TSC22D1: variants seen among roughly 807,000 people sequenced by gnomAD.
TSC22D1 encodes the protein TSC22 domain family member 1.
In TSC22D1, 9 loss-of-function variants were observed where a neutral mutation model predicts 74.2. That is an observed-to-expected ratio of 0.12 (90% CI 0.07 to 0.21). The LOEUF is 0.21. TSC22D1 is among the 10% of genes least tolerant of loss of function. The pLI is 1.00. For missense variants in TSC22D1, 1,427 were observed against 1,304.7 expected (o/e 1.09, Z -1.44); for synonymous variants, 586 against 492.5 (o/e 1.19, Z -2.51).
intron 1 of TSC22D1, among the ~76,000 whole-genome samples, chr13:44,450,432 G>T (rs1468800980): frequency 6.6e-6 from 1 of 152,204 alleles, no homozygotes; most frequent in Admixed American, 6.5e-5. Flanking sequence ...ATGATGCAAT[G>T]GGATTTGTGT....
rs1187070863 is a variant in TSC22D1, at chr13:44,574,203, G to T, written c.1872C>A (p.Pro624=). The T allele has an allele frequency of 6.2e-7, 1 of 1,614,140 alleles. No homozygotes were observed. Among genetic ancestry groups the T allele is most frequent in the Non-Finnish European group, 8.5e-7 (1 of 1,180,058 alleles). Reference sequence around the variant, plus strand: ...GCTGTTGTCCATACTGTAACTGTTGGGGTGGTGGTGCCCCTGGAAGGGGAG... The same window carrying T: ...GCTGTTGTCCATACTGTAACTGTTGTGGTGGTGGTGCCCCTGGAAGGGGAG... ...VQTPLPGAPP[P]QQLQYGQQQP... is the part of the protein sequence containing the mutation. Residue 624 remains proline (P), a synonymous_variant, in exon 1 of 3, where the codon CCC becomes CCA. Coordinates refer to ENST00000458659, the MANE Select transcript of TSC22D1 (RefSeq NM_183422.4).
chr13:44,479,348 C>G (rs943713692), intron 1 of TSC22D1, among the ~76,000 whole-genome samples: 2 of 145,912 alleles, frequency 1.4e-5, no homozygotes, highest in African/African-American at 2.5e-5. Flanking sequence ...TTTTAGCTCA[C>G]CAGCTATCAT....
chr13:44,537,520 C>T, intron 1 of TSC22D1: 5 of 985,110 alleles, frequency 5.1e-6, no homozygotes, highest in Non-Finnish European at 6.0e-6. Context: ...TACTGTGGTT[C>T]AAAGAGTTCA....
rs1021282857 is a variant in TSC22D1, at chr13:44,490,376, A to C, written c.2913-54281T>G. ...ATGCTAAGTTTTTTTTTTTTTTTTC[A>C]TGTAGATGGAGGTTACATACCCATT... On this transcript the variant is annotated intron_variant, in intron 1 of 2. Coordinates refer to ENST00000458659, the MANE Select transcript of TSC22D1 (RefSeq NM_183422.4). Among the ~76,000 whole-genome samples, 109 of 145,466 alleles carry C rather than the reference A, an allele frequency of 7.5e-4. 2 individuals carry two copies. Among genetic ancestry groups the C allele is most frequent in the Admixed American group, 3.9e-3 (57 of 14,638 alleles).
At chr13:44,529,791 T>C (rs1343117377) in intron 1 of TSC22D1, among the ~76,000 whole-genome samples, 5 of 151,978 alleles carry the variant, frequency 3.3e-5, no homozygotes, top group Non-Finnish European at 4.4e-5. Flanking sequence ...CAATGAACAA[T>C]TGGAATTGGA....
chr13:44,530,763 A>G (rs142825430), intron 1 of TSC22D1, among the ~76,000 whole-genome samples: 4 of 152,290 alleles, frequency 2.6e-5, no homozygotes, highest in Non-Finnish European at 4.4e-5. Flanking sequence ...TCAACATCAT[A>G]TATCATTAGG....
At chr13:44,455,956 G>A (rs764889295) in intron 1 of TSC22D1, among the ~76,000 whole-genome samples, 17 of 152,122 alleles carry the variant, frequency 1.1e-4, no homozygotes, top group African/African-American at 3.9e-4. Context: ...AAAGTCCAAA[G>A]ACCATTGATA....
At position 44,500,308 on chromosome 13, in the gene TSC22D1, T is replaced by C. The variant is rs369638858; in HGVS notation, c.2913-64213A>G. ...TTAATCCCTTCTGGAAGAAATCCTT[T>C]AAAAAAACCTCATATACACACTTGG... On this transcript the variant is annotated intron_variant, in intron 1 of 2. Transcript: ENST00000458659. 2.1e-4 allele frequency among the ~76,000 whole-genome samples: 32 copies of C among 152,210 alleles called. No homozygotes were observed. The East Asian group carries it at 3.9e-3, about 18-fold the overall frequency.
chr13:44,523,286 C>T (rs1880400568), intron 1 of TSC22D1, among the ~76,000 whole-genome samples: 1 of 152,184 alleles, frequency 6.6e-6, no homozygotes, highest in Admixed American at 6.5e-5. Context: ...TCAGCAATTG[C>T]ACACACAGGT....
chr13:44,507,819 C>T (rs1021649578), intron 1 of TSC22D1, among the ~76,000 whole-genome samples: 1 of 152,192 alleles, frequency 6.6e-6, no homozygotes, highest in South Asian at 2.1e-4. Context: ...TTGGCTCTGT[C>T]CTCAGAGTGC....
upstream of TSC22D1, chr13:44,576,667 C>G (rs1415932571): frequency 6.6e-6 from 1 of 152,306 alleles, no homozygotes; most frequent in African/African-American, 2.4e-5. Context: ...CCTTTCAAAC[C>G]CCCTGGGCTC....
chr13:44,479,275 C>T lies in TSC22D1; in HGVS notation c.2913-43180G>A, dbSNP rs149262969. On this transcript the variant is annotated intron_variant, in intron 1 of 2. Transcript: ENST00000458659. The stretch of plus-strand genomic sequence containing the variant: ...GCATGGCCCAGGACAGCTTTGAATG[C>T]GGCCTAACTCGTGAACTTTCTTAAA... 9.4e-3 allele frequency among the ~76,000 whole-genome samples: 1,425 copies of T among 151,838 alleles called. 20 individuals are homozygous for T. The highest frequency in any genetic ancestry group is 0.025 in the South Asian group (122 of 4,808).
chr13:44,433,978 TATACA>T lies in TSC22D1; in HGVS notation c.*643_*647del. On this transcript the variant is annotated 3_prime_UTR_variant, in exon 3 of 3. Transcript: ENST00000458659. ...AAAATAGTTACACTACATACACAAA[TATACA>T]ATAAGCAAAACAACCTTCATGGTAA... 1.3e-6 allele frequency: 2 copies of T among 1,534,298 alleles called. No homozygotes were observed. The highest frequency in any genetic ancestry group is 1.2e-5 in the South Asian group (1 of 83,566).
chr13:44,458,396 G>A (rs1876793773), intron 1 of TSC22D1, among the ~76,000 whole-genome samples: 1 of 152,206 alleles, frequency 6.6e-6, no homozygotes, highest in Non-Finnish European at 1.5e-5. Flanking sequence ...TAGTAAAATG[G>A]AAGTGATAAT....
At chr13:44,436,789 C>A (rs949168949) in intron 1 of TSC22D1, 40 of 1,439,842 alleles carry the variant, frequency 2.8e-5, no homozygotes, top group Non-Finnish European at 3.3e-5. Context: ...TGATCCCAGG[C>A]AGATGCGGAT....
intron 1 of TSC22D1, among the ~76,000 whole-genome samples, chr13:44,445,821 TATACCACTAC>T (rs1282070429): frequency 6.6e-6 from 1 of 152,144 alleles, no homozygotes; most frequent in Non-Finnish European, 1.5e-5. Context: ...ACCATAATGA[TATACCACTAC>T]ACACCTATCA....
intron 1 of TSC22D1, among the ~76,000 whole-genome samples, chr13:44,454,829 CA>C (rs1457610771): frequency 6.9e-6 from 1 of 144,042 alleles, no homozygotes; most frequent in Non-Finnish European, 1.6e-5. Context: ...CTATGAAAAG[CA>C]AAAAATACTT....
intron 1 of TSC22D1, among the ~76,000 whole-genome samples, chr13:44,545,702 C>T (rs1175789902): frequency 6.6e-6 from 1 of 151,998 alleles, no homozygotes; most frequent in Non-Finnish European, 1.5e-5. Context: ...CCAGGCCAGG[C>T]GTGCTGGCTC....
chr13:44,437,301 T>TC (rs779297508), intron 1 of TSC22D1: 1 of 973,958 alleles, frequency 1.0e-6, no homozygotes. Flanking sequence ...CTGTAAGACT[T>TC]CGAGTGTCTT....
Sources: gnomAD v4.1 joint callset for allele counts (sites outside exome capture counted in the v4.1 genomes callset) on GRCh38, gnomAD v4.1.1 for gene constraint, MANE v1.5 for transcripts, NCBI Gene and HGNC (gene_info 2026-07-23, HGNC 2026-07-21) for gene names.